Variants in CNTNAP3B observed in about 807,000 individuals in gnomAD.
CNTNAP3B encodes contactin associated protein family member 3B.
CNTNAP3B carries 25 observed loss-of-function variants against 108.9 expected under a neutral mutation model. The ratio of observed to expected loss-of-function variants is 0.23; its 90% CI spans 0.17 to 0.32. The LOEUF (loss-of-function observed/expected upper bound fraction) is 0.32. Among genes scored for constraint, CNTNAP3B ranks in the 10% least tolerant of loss-of-function variants. The pLI, the probability that CNTNAP3B is intolerant of heterozygous loss-of-function variation, is 1.00. For missense variants in CNTNAP3B, 252 were observed against 1,210.4 expected, an observed-to-expected ratio of 0.21 and a Z score of 11.75; for synonymous variants, 103 against 473.4, an observed-to-expected ratio of 0.22 and a Z score of 10.16.
At chr9:41,953,767 TATC>T (rs1824772229) in intron 12 of CNTNAP3B, among the ~76,000 whole-genome samples, 3 of 149,228 alleles carry the variant, frequency 2.0e-5, no homozygotes, top group Admixed American at 2.0e-4. Context: ...TTTCTTTCAT[TATC>T]GAATAAATTT....
At chr9:42,042,412 G>A (rs1206794231) in intron 3 of CNTNAP3B, among the ~76,000 whole-genome samples, 2 of 139,940 alleles carry the variant, frequency 1.4e-5, no homozygotes, top group East Asian at 4.2e-4. Flanking sequence ...TAACTTTCTA[G>A]GGATATAGTA....
intron 4 of CNTNAP3B, among the ~76,000 whole-genome samples, chr9:41,999,548 TACACACAC>T (rs747836652): frequency 8.4e-6 from 1 of 118,922 alleles, no homozygotes; most frequent in Non-Finnish European, 1.7e-5. Flanking sequence ...CACACACACA[TACACACAC>T]ACACACACAC....
At chr9:42,119,588 G>A (rs1474758861) in intron 1 of CNTNAP3B, among the ~76,000 whole-genome samples, 3 of 130,392 alleles carry the variant, frequency 2.3e-5, no homozygotes, top group Non-Finnish European at 4.8e-5. Flanking sequence ...TATACTACAA[G>A]GCTACAGTAA....
intron 12 of CNTNAP3B, among the ~76,000 whole-genome samples, chr9:41,955,575 G>A (rs1193919963): frequency 6.6e-6 from 1 of 152,198 alleles, no homozygotes; most frequent in Non-Finnish European, 1.5e-5. Flanking sequence ...CTGTTGCCCA[G>A]CTTGGAGTGC....
At chr9:41,940,596 G>A (rs1824309117) in intron 13 of CNTNAP3B, among the ~76,000 whole-genome samples, 1 of 152,276 alleles carries the variant, frequency 6.6e-6, no homozygotes, top group African/African-American at 2.4e-5. Context: ...GAGGTGGGCG[G>A]ATCACGAGGT....
chr9:42,109,232 T>C (rs1044321078), intron 1 of CNTNAP3B, among the ~76,000 whole-genome samples: 1 of 140,906 alleles, frequency 7.1e-6, no homozygotes, highest in African/African-American at 2.8e-5. Flanking sequence ...ATATCTGTTA[T>C]AGGAAATAAA....
chr9:42,097,948 C>A (rs1827943236), intron 2 of CNTNAP3B, among the ~76,000 whole-genome samples: 1 of 138,050 alleles, frequency 7.2e-6, no homozygotes, highest in South Asian at 2.3e-4. Flanking sequence ...AGAGACTAAG[C>A]TGAGGGGGAG....
At chr9:42,120,921 T>A (rs1280496321) in intron 1 of CNTNAP3B, among the ~76,000 whole-genome samples, 1 of 137,630 alleles carries the variant, frequency 7.3e-6, no homozygotes, top group East Asian at 2.2e-4. Context: ...TGTATACATA[T>A]GCAACAAACC....
chr9:41,962,852 G>A (rs1413394499), intron 11 of CNTNAP3B, among the ~76,000 whole-genome samples: 1 of 152,158 alleles, frequency 6.6e-6, no homozygotes, highest in Non-Finnish European at 1.5e-5. Context: ...GTACTCGGGA[G>A]GCTGAGGCAG....
intron 13 of CNTNAP3B, among the ~76,000 whole-genome samples, chr9:41,941,126 TTCATTA>T (rs1824329987): frequency 1.3e-5 from 2 of 151,012 alleles, no homozygotes; most frequent in South Asian, 4.2e-4. Flanking sequence ...GATTCCATAT[TTCATTA>T]TGAGAGTGAA....
intron 11 of CNTNAP3B, among the ~76,000 whole-genome samples, chr9:41,964,043 C>T (rs1278955599): frequency 6.6e-6 from 1 of 152,264 alleles, no homozygotes; most frequent in Non-Finnish European, 1.5e-5. Flanking sequence ...GCTGATATCC[C>T]ATTACCTCTT....
At chr9:41,956,125 G>A (rs1326468977) in intron 12 of CNTNAP3B, among the ~76,000 whole-genome samples, 12 of 152,222 alleles carry the variant, frequency 7.9e-5, no homozygotes, top group East Asian at 1.9e-4. Context: ...GGTGGCTCAC[G>A]CCTGTAATCC....
chr9:41,969,518 C>T (rs1297808272), intron 10 of CNTNAP3B, among the ~76,000 whole-genome samples: 1 of 148,312 alleles, frequency 6.7e-6, no homozygotes, highest in Admixed American at 6.8e-5. Flanking sequence ...TAACTATTAG[C>T]TGAGCAACTC....
chr9:41,927,549 G>C (rs1354134066), intron 15 of CNTNAP3B, among the ~76,000 whole-genome samples: 1 of 151,914 alleles, frequency 6.6e-6, no homozygotes, highest in African/African-American at 2.4e-5. Flanking sequence ...GAGGGAGGGA[G>C]GGAGGGAGGA....
chr9:42,120,438 A>G (rs867651700), intron 1 of CNTNAP3B, among the ~76,000 whole-genome samples: 12 of 138,392 alleles, frequency 8.7e-5, no homozygotes, highest in Middle Eastern at 3.5e-3. Context: ...ATCTAGAACT[A>G]GAAATACCAT....
In CNTNAP3B at chr9:42,094,613, G is replaced by C. The variant is rs62558897; in HGVS notation, c.196+10016C>G. Among the ~76,000 whole-genome samples the C allele has an allele frequency of 2.9e-4, 37 of 127,036 alleles. 3 individuals are homozygous for C. Among genetic ancestry groups the C allele is most frequent in the African/African-American group, 1.1e-3 (35 of 30,934 alleles). The allele number at this position is 127,036 out of a possible 152,430, so 83.3% of individuals were successfully genotyped here. Reference sequence around the variant, plus strand: ...TGAGGCTACACTAAGCTGTGATCTTGCCACTGTACTCCAAACCTGGGCAAC... The same window carrying C: ...TGAGGCTACACTAAGCTGTGATCTTCCCACTGTACTCCAAACCTGGGCAAC... On this transcript the variant is annotated intron_variant, in intron 2 of 23. Coordinates refer to ENST00000377561, the MANE Select transcript of CNTNAP3B (RefSeq NM_001201380.3).
At chr9:41,920,999 C>A (rs879395882) in intron 17 of CNTNAP3B, among the ~76,000 whole-genome samples, 1 of 150,914 alleles carries the variant, frequency 6.6e-6, no homozygotes. Flanking sequence ...GTGACAAACA[C>A]CATTATGAAG....
chr9:41,925,916 GA>G (rs1823805754), intron 15 of CNTNAP3B, among the ~76,000 whole-genome samples: 2 of 152,262 alleles, frequency 1.3e-5, no homozygotes, highest in Non-Finnish European at 2.9e-5. Flanking sequence ...GAGAATGACA[GA>G]AAATGGTGTT....
intron 17 of CNTNAP3B, among the ~76,000 whole-genome samples, chr9:41,921,545 G>T (rs570060650): frequency 1.4e-5 from 2 of 144,502 alleles, no homozygotes; most frequent in East Asian, 2.1e-4. Context: ...ATCCTTATTC[G>T]CTTTAAAACA....
Sources: allele counts gnomAD v4.1 joint callset (sites outside exome capture counted in the v4.1 genomes callset), GRCh38; gene constraint gnomAD v4.1.1; transcripts MANE v1.5; gene names NCBI Gene and HGNC (gene_info 2026-07-23, HGNC 2026-07-21).